ADAMTS6: variants seen among roughly 807,000 people sequenced by gnomAD.
ADAMTS6 encodes the protein ADAM metallopeptidase with thrombospondin type 1 motif 6.
In ADAMTS6, 23 loss-of-function variants were observed where a neutral mutation model predicts 144.3. The observed-to-expected ratio is 0.16, with a 90% CI of 0.11 to 0.23. The LOEUF (loss-of-function observed/expected upper bound fraction) is 0.23. Ranked by LOEUF, ADAMTS6 falls within the 10% of genes least tolerant of loss-of-function variation. The pLI is 1.00. For missense variants in ADAMTS6, 999 were observed against 1,379.6 expected, an observed-to-expected ratio of 0.72 and a Z score of 4.37; for synonymous variants, 444 against 457.5, an observed-to-expected ratio of 0.97 and a Z score of 0.38.
chr5:65,217,148 T>C (rs1756991061), intron 18 of ADAMTS6, among the ~76,000 whole-genome samples: 1 of 152,220 alleles, frequency 6.6e-6, no homozygotes, highest in Admixed American at 6.5e-5. Flanking sequence ...TAAATCTAAT[T>C]AACCTTTTGA....
chr5:65,332,304 T>TAGAGAG lies in ADAMTS6; in HGVS notation c.1117+1737_1117+1738insCTCTCT, dbSNP rs1472009777. Among the ~76,000 whole-genome samples, 8 of 117,918 alleles carry TAGAGAG rather than the reference T, an allele frequency of 6.8e-5. 1 individual carries two copies. The South Asian group carries it at 2.0e-3, about 30-fold the overall frequency. 77.4% of individuals were successfully genotyped at this position (117,918 alleles called of 152,430 possible). ...CAGTGAGGGTATATATATATATATA[T>TAGAGAG]ATATATATAGAGAGAGAGAGAGAGA... On this transcript the variant is annotated intron_variant, in intron 8 of 24. Coordinates refer to ENST00000381055, the MANE Select transcript of ADAMTS6 (RefSeq NM_197941.4).
intron 20 of ADAMTS6, among the ~76,000 whole-genome samples, chr5:65,197,490 T>C (rs1158939630): frequency 6.6e-6 from 1 of 152,206 alleles, no homozygotes; most frequent in Non-Finnish European, 1.5e-5. Flanking sequence ...AATAATATTA[T>C]CAAATAAAAT....
intron 20 of ADAMTS6, among the ~76,000 whole-genome samples, chr5:65,213,620 G>A (rs1756685293): frequency 6.7e-6 from 1 of 149,350 alleles, no homozygotes; most frequent in African/African-American, 2.5e-5. Context: ...GGGCAACAGA[G>A]CAAAAACCTG....
chr5:65,204,903 A>G (rs1755981483), intron 20 of ADAMTS6, among the ~76,000 whole-genome samples: 1 of 152,192 alleles, frequency 6.6e-6, no homozygotes, highest in Non-Finnish European at 1.5e-5. Flanking sequence ...AAAACTAACT[A>G]TATAATTATG....
At chr5:65,408,032 A>G (rs373001577) in intron 7 of ADAMTS6, among the ~76,000 whole-genome samples, 3 of 152,198 alleles carry the variant, frequency 2.0e-5, no homozygotes, top group Non-Finnish European at 2.9e-5. Context: ...GGTACCAGCC[A>G]CTGAAAAATC....
intron 15 of ADAMTS6, among the ~76,000 whole-genome samples, chr5:65,227,662 G>A (rs1757829673): frequency 6.6e-6 from 1 of 152,186 alleles, no homozygotes; most frequent in Non-Finnish European, 1.5e-5. Context: ...GGGTGGTAGA[G>A]TCAATGATAA....
chr5:65,233,625 TGAA>T (rs1188016745), intron 15 of ADAMTS6, among the ~76,000 whole-genome samples: 2 of 151,058 alleles, frequency 1.3e-5, no homozygotes, highest in Admixed American at 1.3e-4. Flanking sequence ...TGAAAAAAAT[TGAA>T]GAAGACACAA....
At position 65,242,262 on chromosome 5, in the gene ADAMTS6, G is replaced by T. The variant is rs1759256280; in HGVS notation, c.1831-56C>A. On this transcript the variant is annotated intron_variant, in intron 14 of 24. Transcript: ENST00000381055. ...ATTGTTGGAAAATACCAAAAGCAAG[G>T]GACAATGTCCCTAAAATGAACTCCA... 5.3e-6 allele frequency: 7 copies of T among 1,332,434 alleles called. No individual in the cohort carries two copies. The East Asian group carries it at 1.7e-4, about 32-fold the overall frequency. 82.5% of individuals were successfully genotyped at this position (1,332,434 alleles called of 1,614,324 possible).
At chr5:65,327,192 C>T (rs1328211965) in intron 9 of ADAMTS6, among the ~76,000 whole-genome samples, 1 of 152,162 alleles carries the variant, frequency 6.6e-6, no homozygotes, top group Non-Finnish European at 1.5e-5. Flanking sequence ...GCTTTGCCTT[C>T]CACCACAAGT....
chr5:65,335,124 A>G (rs1354868013), intron 7 of ADAMTS6, among the ~76,000 whole-genome samples: 1 of 152,164 alleles, frequency 6.6e-6, no homozygotes, highest in African/African-American at 2.4e-5. Context: ...ACCAGACTAA[A>G]TTGTATATTA....
At chr5:65,438,650 A>G (rs529621962) in intron 7 of ADAMTS6, among the ~76,000 whole-genome samples, 1 of 152,328 alleles carries the variant, frequency 6.6e-6, no homozygotes, top group African/African-American at 2.4e-5. Flanking sequence ...ATCTGCTATT[A>G]TATCTTGAAA....
chr5:65,409,008 A>T (rs1182914894), intron 7 of ADAMTS6, among the ~76,000 whole-genome samples: 1 of 152,242 alleles, frequency 6.6e-6, no homozygotes, highest in Non-Finnish European at 1.5e-5. Context: ...CAGTGTGTAG[A>T]GGGAAATTTA....
At chr5:65,158,989 G>A (rs1384915899) in intron 24 of ADAMTS6, among the ~76,000 whole-genome samples, 1 of 152,040 alleles carries the variant, frequency 6.6e-6, no homozygotes, top group Non-Finnish European at 1.5e-5. Flanking sequence ...GAGGACTAAT[G>A]TGTTTAATTT....
chr5:65,253,545 A>G (rs1263233406), intron 14 of ADAMTS6, among the ~76,000 whole-genome samples: 1 of 152,222 alleles, frequency 6.6e-6, no homozygotes, highest in East Asian at 1.9e-4. Context: ...TGATATGCAT[A>G]GTATTAAATT....
intron 7 of ADAMTS6, among the ~76,000 whole-genome samples, chr5:65,352,288 A>G (rs187423194): frequency 5.9e-5 from 9 of 151,834 alleles, no homozygotes; most frequent in Admixed American, 2.6e-4. Context: ...CGTTCTTTAA[A>G]TCAGTGAAAT....
intron 14 of ADAMTS6, among the ~76,000 whole-genome samples, chr5:65,260,130 G>A (rs1761050799): frequency 6.6e-6 from 1 of 152,254 alleles, no homozygotes; most frequent in Admixed American, 6.5e-5. Context: ...TTGAATTCCT[G>A]AAAGTACAGA....
chr5:65,329,045 A>G (rs533237111), intron 9 of ADAMTS6, among the ~76,000 whole-genome samples: 1 of 152,124 alleles, frequency 6.6e-6, no homozygotes, highest in Non-Finnish European at 1.5e-5. Flanking sequence ...GACGTCAATG[A>G]TTTTAAAATA....
rs145480005 is a variant in ADAMTS6 at position 65,377,762 on chromosome 5, A to G, written c.1074-43677T>C. 2.0e-5 allele frequency among the ~76,000 whole-genome samples: 3 copies of G among 152,340 alleles called. No individual in the cohort carries two copies. The East Asian group carries it at 5.8e-4, about 29-fold the overall frequency. Reference sequence around the variant, plus strand: ...CATCGTAGCTTCTCATGTCAGCCATAACAAAGTACCACAAATTGGCTAGCT... The same window carrying G: ...CATCGTAGCTTCTCATGTCAGCCATGACAAAGTACCACAAATTGGCTAGCT... On this transcript the variant is annotated intron_variant, in intron 7 of 24. Coordinates refer to ENST00000381055, the MANE Select transcript of ADAMTS6 (RefSeq NM_197941.4).
At chr5:65,220,405 A>G (rs1354607867) in intron 18 of ADAMTS6, among the ~76,000 whole-genome samples, 1 of 152,214 alleles carries the variant, frequency 6.6e-6, no homozygotes. Context: ...TAGAAAAAAT[A>G]AGAACAAATT....
Sources: gnomAD v4.1 joint callset for allele counts (sites outside exome capture counted in the v4.1 genomes callset) on GRCh38, gnomAD v4.1.1 for gene constraint, MANE v1.5 for transcripts, NCBI Gene and HGNC (gene_info 2026-07-23, HGNC 2026-07-21) for gene names.